The following PCCA variants were observed in gnomAD, a reference collection of about 807,000 sequenced individuals.
PCCA encodes propionyl-CoA carboxylase alpha chain, mitochondrial.
In PCCA, 74 loss-of-function variants were observed where a neutral mutation model predicts 101.3. The observed-to-expected ratio is 0.73, with a 90% CI of 0.61 to 0.89. The LOEUF (loss-of-function observed/expected upper bound fraction) is 0.89. PCCA is among the 40% of genes least tolerant of loss of function. PCCA has a pLI of 0.00. For synonymous variants in PCCA, 294 were observed against 313.6 expected, an observed-to-expected ratio of 0.94 and a Z score of 0.66; for missense variants, 891 against 907.0, an observed-to-expected ratio of 0.98 and a Z score of 0.23.
chr13:100,166,654 C>T (rs1282131068), intron 6 of PCCA, among the ~76,000 whole-genome samples: 2 of 152,032 alleles, frequency 1.3e-5, no homozygotes, highest in African/African-American at 2.4e-5. Flanking sequence ...ATGGGTTTAC[C>T]ACCATATTTT....
chr13:100,464,523 A>G (rs1044915820), intron 21 of PCCA: 1 of 152,076 alleles, frequency 6.6e-6, no homozygotes, highest in East Asian at 1.9e-4. Flanking sequence ...GAGACATGCT[A>G]TCATCTGAAG....
intron 17 of PCCA, 139 bp from the exon 18 acceptor site, chr13:100,340,018 C>G: frequency 2.9e-6 from 2 of 700,232 alleles, no homozygotes; most frequent in South Asian, 1.5e-5. Flanking sequence ...TCCGCACACC[C>G]CAGTGCCTAG....
At chr13:100,195,014 G>C (rs2058020461) in intron 6 of PCCA, among the ~76,000 whole-genome samples, 1 of 151,994 alleles carries the variant, frequency 6.6e-6, no homozygotes, top group East Asian at 1.9e-4. Flanking sequence ...CAACCAAAAA[G>C]GTACCAATTA....
chr13:100,101,283 A>G (rs1274709129), intron 1 of PCCA, among the ~76,000 whole-genome samples: 1 of 152,240 alleles, frequency 6.6e-6, no homozygotes, highest in Non-Finnish European at 1.5e-5. Context: ...AAAAAATTTC[A>G]GAAAGCTCTT....
At chr13:100,526,708 A>C (rs1307674750) in intron 22 of PCCA, among the ~76,000 whole-genome samples, 1 of 152,286 alleles carries the variant, frequency 6.6e-6, no homozygotes, top group Non-Finnish European at 1.5e-5. Flanking sequence ...AGGCCAAAGA[A>C]AAACCTGGCC....
At chr13:100,112,873 G>A (rs2048450974) in intron 4 of PCCA, among the ~76,000 whole-genome samples, 1 of 62,832 alleles carries the variant, frequency 1.6e-5, no homozygotes, top group Admixed American at 1.8e-4. Flanking sequence ...ACCACACCCG[G>A]CCCACAGCAG....
At chr13:100,216,665 AG>A (rs2059540790) in intron 7 of PCCA, among the ~76,000 whole-genome samples, 1 of 152,258 alleles carries the variant, frequency 6.6e-6, no homozygotes. Context: ...CATCTATTAG[AG>A]GCACCAAAAG....
intron 6 of PCCA, among the ~76,000 whole-genome samples, chr13:100,177,834 A>G (rs2056385368): frequency 6.6e-6 from 1 of 152,218 alleles, no homozygotes; most frequent in African/African-American, 2.4e-5. Flanking sequence ...TTTTCTAGTT[A>G]CTAAAAATTA....
chr13:100,377,202 C>T (rs1470105856), intron 19 of PCCA, among the ~76,000 whole-genome samples: 1 of 152,192 alleles, frequency 6.6e-6, no homozygotes, highest in African/African-American at 2.4e-5. Flanking sequence ...CAGAAATCAC[C>T]CACCTTCTGT....
Position 100,515,487 on chromosome 13 carries a change from G to C in PCCA, c.1960G>C (p.Val654Leu). The C allele has an allele frequency of 6.2e-7, 1 of 1,614,108 alleles. No individual in the cohort carries two copies. Among genetic ancestry groups the C allele is most frequent in the Non-Finnish European group, 8.5e-7 (1 of 1,179,978 alleles). ...AELNKFMLEK[V>L]TEDTSSVLRS... The stretch of plus-strand genomic sequence containing the variant: ...ATTGAACAAATTTATGCTGGAAAAA[G>C]TGACTGAGGACACAAGCAGTGTTCT... The change falls in exon 22 of 24, where the codon GTG (valine) becomes CTG (leucine). Residue 654 changes from valine (V) to leucine (L), a missense_variant. Transcript: ENST00000376285.
rs537238899 is a variant in PCCA at position 100,467,587 on chromosome 13, G to A, written c.1899+18282G>A. ...GGGTTTCACCCTGTTAGCCAGGATC[G>A]TCTTGATCTCCTGACCTCATGATCC... is the stretch of plus-strand genomic sequence containing the variant. On this transcript the variant is annotated intron_variant, in intron 21 of 23. Coordinates refer to ENST00000376285, the MANE Select transcript of PCCA (RefSeq NM_000282.4). Among the ~76,000 whole-genome samples, 24 of 152,292 alleles carry A rather than the reference G, an allele frequency of 1.6e-4. No individual in the cohort carries two copies. In the East Asian group the frequency reaches 4.4e-3, roughly 28 times the overall value.
At chr13:100,505,391 G>C (rs899180864) in intron 21 of PCCA, among the ~76,000 whole-genome samples, 1 of 152,144 alleles carries the variant, frequency 6.6e-6, no homozygotes, top group Non-Finnish European at 1.5e-5. Context: ...GGGGTCCCTC[G>C]CTGCATGCCT....
chr13:100,102,124 ATCTC>A (rs1358065845), intron 1 of PCCA, among the ~76,000 whole-genome samples: 1 of 150,592 alleles, frequency 6.6e-6, no homozygotes, highest in Non-Finnish European at 1.5e-5. Flanking sequence ...GTATCTCTCT[ATCTC>A]TTTTCTTTTT....
chr13:100,341,957 G>GTATATATATATA (rs35822001), intron 18 of PCCA, among the ~76,000 whole-genome samples: 1,840 of 107,012 alleles, frequency 0.017, 60 homozygotes, highest in African/African-American at 0.042. Flanking sequence ...ACCCTTCAAA[G>GTATATATATATA]TATATATATA....
chr13:100,219,964 T>G (rs1241084164), intron 7 of PCCA, among the ~76,000 whole-genome samples: 1 of 152,194 alleles, frequency 6.6e-6, no homozygotes, highest in African/African-American at 2.4e-5. Flanking sequence ...ATGTGTAATA[T>G]GGAGTTACAT....
chr13:100,201,055 A>T (rs556254720), intron 6 of PCCA, among the ~76,000 whole-genome samples: 5 of 152,178 alleles, frequency 3.3e-5, no homozygotes, highest in Non-Finnish European at 7.3e-5. Flanking sequence ...CAATCTCAGG[A>T]TAACAATGTT....
chr13:100,350,378 C>T (rs1401547697), intron 18 of PCCA, among the ~76,000 whole-genome samples: 7 of 152,098 alleles, frequency 4.6e-5, no homozygotes, highest in Non-Finnish European at 8.8e-5. Flanking sequence ...TATTTACAAA[C>T]GTATGTATAC....
chr13:100,102,563 T>A (rs2047371965), intron 1 of PCCA, among the ~76,000 whole-genome samples: 1 of 152,220 alleles, frequency 6.6e-6, no homozygotes, highest in Admixed American at 6.5e-5. Context: ...TTAAAAGTTC[T>A]GTGTGGTCTG....
At chr13:100,453,173 C>A (rs553911039) in intron 21 of PCCA, among the ~76,000 whole-genome samples, 6 of 152,078 alleles carry the variant, frequency 3.9e-5, no homozygotes, top group Admixed American at 2.6e-4. Context: ...GAGAGTGAGA[C>A]CCTGTACCCT....
Sources: gnomAD v4.1 joint callset for allele counts (sites outside exome capture counted in the v4.1 genomes callset) on GRCh38, gnomAD v4.1.1 for gene constraint, MANE v1.5 for transcripts, NCBI Gene and HGNC (gene_info 2026-07-23, HGNC 2026-07-21) for gene names.